ROBO2: variants seen among roughly 807,000 people sequenced by gnomAD.
ROBO2 encodes roundabout homolog 2.
A neutral mutation model predicts 160.8 loss-of-function variants in ROBO2; 53 were observed. The observed-to-expected ratio is 0.33, with a 90% CI of 0.26 to 0.41. ROBO2 has a LOEUF of 0.41. ROBO2 is among the 10% of genes least tolerant of loss of function. ROBO2 has a pLI of 1.00. For synonymous variants in ROBO2, 664 were observed against 611.7 expected, an observed-to-expected ratio of 1.09 and a Z score of -1.26; for missense variants, 1,577 against 1,722.4, an observed-to-expected ratio of 0.92 and a Z score of 1.49.
chr3:76,420,241 C>CT (rs2075934717), intron 2 of ROBO2, among the ~76,000 whole-genome samples: 1 of 152,100 alleles, frequency 6.6e-6, no homozygotes, highest in Non-Finnish European at 1.5e-5. Flanking sequence ...TCTTGAACTC[C>CT]TAGGCTCAAG....
chr3:76,206,131 GACCATC>G (rs1233500615), intron 2 of ROBO2, among the ~76,000 whole-genome samples: 1 of 147,890 alleles, frequency 6.8e-6, no homozygotes, highest in African/African-American at 2.5e-5. Context: ...TTAGAGAGCT[GACCATC>G]ACCTGCAGCC....
chr3:76,053,427 C>G (rs997884687), intron 2 of ROBO2, among the ~76,000 whole-genome samples: 1 of 151,888 alleles, frequency 6.6e-6, no homozygotes, highest in Non-Finnish European at 1.5e-5. Context: ...ATTTCAAAAC[C>G]TAAACAATGT....
intron 2 of ROBO2, among the ~76,000 whole-genome samples, chr3:77,421,574 G>A (rs1053486733): frequency 1.3e-4 from 20 of 152,182 alleles, no homozygotes; most frequent in African/African-American, 4.1e-4. Flanking sequence ...AATAATTTCA[G>A]GAAAATTCTT....
At chr3:76,368,351 C>G (rs980939229) in intron 2 of ROBO2, among the ~76,000 whole-genome samples, 1 of 151,954 alleles carries the variant, frequency 6.6e-6, no homozygotes, top group Non-Finnish European at 1.5e-5. Context: ...AACTATTTAT[C>G]ATAGTTCATG....
upstream of ROBO2, among the ~76,000 whole-genome samples, chr3:77,039,614 G>C (rs1374349021): frequency 1.3e-5 from 2 of 152,086 alleles, no homozygotes; most frequent in Non-Finnish European, 2.9e-5. Context: ...GCAGCCGGCG[G>C]GGCTCTCCGA....
At chr3:76,469,670 A>C (rs1465473395) in intron 2 of ROBO2, among the ~76,000 whole-genome samples, 2 of 152,042 alleles carry the variant, frequency 1.3e-5, no homozygotes, top group Non-Finnish European at 2.9e-5. Flanking sequence ...GACTATTCCC[A>C]CTGGTTCAGT....
chr3:76,406,596 C>G (rs1241433431), intron 2 of ROBO2, among the ~76,000 whole-genome samples: 1 of 151,702 alleles, frequency 6.6e-6, no homozygotes, highest in Non-Finnish European at 1.5e-5. Context: ...GGCACTAAGT[C>G]CTCAAGAAAC....
At chr3:77,080,037 A>G (rs2068467809) in intron 1 of ROBO2, among the ~76,000 whole-genome samples, 1 of 152,200 alleles carries the variant, frequency 6.6e-6, no homozygotes, top group Non-Finnish European at 1.5e-5. Context: ...CAAAAGATAG[A>G]TTGAATTGTA....
At chr3:76,517,123 T>C (rs988494934) in intron 2 of ROBO2, among the ~76,000 whole-genome samples, 3 of 152,154 alleles carry the variant, frequency 2.0e-5, no homozygotes, top group Non-Finnish European at 2.9e-5. Flanking sequence ...GTTATAAAAT[T>C]TTCATACAGT....
exon 25 of ROBO2, chr3:77,644,798 T>G: frequency 6.2e-7 from 1 of 1,614,080 alleles, no homozygotes; most frequent in South Asian, 1.1e-5. Context: ...CCACTGGACC[T>G]AGGAAAACCG....
At chr3:77,234,006 G>T (rs1172360282) in intron 2 of ROBO2, among the ~76,000 whole-genome samples, 3 of 152,118 alleles carry the variant, frequency 2.0e-5, no homozygotes, top group African/African-American at 7.2e-5. Flanking sequence ...GAAATTCCTT[G>T]TATTTCCTAG....
At chr3:76,087,706 T>C (rs1396752957) in intron 2 of ROBO2, among the ~76,000 whole-genome samples, 1 of 152,064 alleles carries the variant, frequency 6.6e-6, no homozygotes, top group East Asian at 1.9e-4. Context: ...CTTCTGTTCA[T>C]ATATATGGCT....
chr3:76,200,576 C>A lies in ROBO2; in HGVS notation c.109+262974C>A, dbSNP rs376829946. 9.2e-5 allele frequency among the ~76,000 whole-genome samples: 14 copies of A among 152,100 alleles called. 1 individual carries two copies. In the East Asian group the frequency reaches 1.7e-3, roughly 19 times the overall value. ...AGATTAATACGTCCAGTATAGGGGG[C>A]AACTTAAGCAAGCAAAAGAATGTGG... On this transcript the variant is annotated intron_variant, in intron 2 of 26. Transcript: ENST00000487694.
intron 2 of ROBO2, among the ~76,000 whole-genome samples, chr3:76,247,183 T>G (rs961870733): frequency 6.6e-6 from 1 of 152,134 alleles, no homozygotes; most frequent in African/African-American, 2.4e-5. Context: ...CTTAGACTTC[T>G]TACGTGTGTT....
intron 2 of ROBO2, among the ~76,000 whole-genome samples, chr3:76,225,756 T>A (rs532306174): frequency 1.5e-4 from 23 of 152,212 alleles, no homozygotes; most frequent in African/African-American, 5.1e-4. Context: ...AAATTCATTT[T>A]AAAAATGTTA....
intron 2 of ROBO2, among the ~76,000 whole-genome samples, chr3:76,751,243 A>G (rs2060624173): frequency 6.6e-6 from 1 of 152,164 alleles, no homozygotes; most frequent in Non-Finnish European, 1.5e-5. Context: ...GGCTAGCCAT[A>G]TGTAGAAAGC....
intron 2 of ROBO2, among the ~76,000 whole-genome samples, chr3:76,744,896 G>A (rs902085330): frequency 2.0e-5 from 3 of 152,020 alleles, no homozygotes; most frequent in Admixed American, 1.3e-4. Flanking sequence ...CTAATCAAAG[G>A]GTGCTATTTT....
At chr3:76,848,845 T>C (rs1224672395) in intron 2 of ROBO2, among the ~76,000 whole-genome samples, 1 of 152,214 alleles carries the variant, frequency 6.6e-6, no homozygotes, top group Admixed American at 6.5e-5. Flanking sequence ...ATACGAATAT[T>C]GGGGGAGACA....
chr3:77,236,496 G>A (rs1179282838), intron 2 of ROBO2, among the ~76,000 whole-genome samples: 2 of 152,306 alleles, frequency 1.3e-5, no homozygotes, highest in African/African-American at 2.4e-5. Context: ...TCAGGGTAAC[G>A]TTGGAATGCC....
Sources: allele counts gnomAD v4.1 joint callset (sites outside exome capture counted in the v4.1 genomes callset), GRCh38; gene constraint gnomAD v4.1.1; transcripts MANE v1.5; gene names NCBI Gene and HGNC (gene_info 2026-07-23, HGNC 2026-07-21).